Variants in GLIS3 observed in about 807,000 individuals in gnomAD.
The protein encoded by GLIS3 is GLIS family zinc finger 3.
GLIS3 carries 53 observed loss-of-function variants against 78.6 expected under a neutral mutation model. The ratio of observed to expected loss-of-function variants is 0.67; its 90% CI spans 0.54 to 0.85. The LOEUF is 0.85. GLIS3 is among the 40% of genes least tolerant of loss of function. The probability of loss-of-function intolerance (pLI) is 0.00; values close to 1 mark genes in which losing one functional copy is unlikely to be tolerated. For synonymous variants in GLIS3, 684 were observed against 509.9 expected, an observed-to-expected ratio of 1.34 and a Z score of -4.60; for missense variants, 1,703 against 1,231.1, an observed-to-expected ratio of 1.38 and a Z score of -5.74.
intron 2 of GLIS3, among the ~76,000 whole-genome samples, chr9:4,152,821 G>C (rs1301375661): frequency 1.3e-5 from 2 of 152,076 alleles, no homozygotes; most frequent in East Asian, 3.9e-4. Context: ...CTTAAGAATG[G>C]CATGTAATAT....
At position 4,078,193 on chromosome 9, in the gene GLIS3, T is replaced by C. The variant is rs148820335; in HGVS notation, c.1710+39575A>G. Among the ~76,000 whole-genome samples the C allele has an allele frequency of 3.9e-5, 6 of 152,294 alleles. No homozygotes were observed. In the East Asian group the frequency reaches 1.2e-3, roughly 29 times the overall value. On this transcript the variant is annotated intron_variant, in intron 4 of 10. Transcript: ENST00000381971. ...TTACACCAGACCAGTGGTCTTAAAA[T>C]CATTTTTTTCAATATAATCCTTTTT...
At chr9:4,211,467 A>G (rs889928453) in intron 2 of GLIS3, among the ~76,000 whole-genome samples, 1 of 152,214 alleles carries the variant, frequency 6.6e-6, no homozygotes, top group Non-Finnish European at 1.5e-5. Flanking sequence ...GGAAAGAGAC[A>G]CTGTGTTACT....
chr9:4,150,306 C>G (rs1834572355), intron 2 of GLIS3, among the ~76,000 whole-genome samples: 1 of 152,250 alleles, frequency 6.6e-6, no homozygotes, highest in Non-Finnish European at 1.5e-5. Flanking sequence ...CAACCAGCCA[C>G]TGACTGTCCT....
chr9:4,017,400 C>A (rs1374488100), intron 4 of GLIS3, among the ~76,000 whole-genome samples: 1 of 152,162 alleles, frequency 6.6e-6, no homozygotes, highest in African/African-American at 2.4e-5. Context: ...ACAAAAGATA[C>A]ACTGTCCAAG....
At chr9:3,939,202 A>G (rs1420372223) in intron 4 of GLIS3, among the ~76,000 whole-genome samples, 1 of 152,208 alleles carries the variant, frequency 6.6e-6, no homozygotes, top group Non-Finnish European at 1.5e-5. Flanking sequence ...GATCTGAGAG[A>G]AAGCTGCATT....
At chr9:4,463,389 T>C in the GLIS3 span, among the ~76,000 whole-genome samples, 2 of 152,344 alleles carry the variant, frequency 1.3e-5, no homozygotes, top group Admixed American at 1.3e-4. Flanking sequence ...CCTTCCTTTA[T>C]TGTTTCTCTT....
chr9:4,249,426 T>G (rs1437310135), intron 2 of GLIS3, among the ~76,000 whole-genome samples: 2 of 152,204 alleles, frequency 1.3e-5, no homozygotes, highest in African/African-American at 4.8e-5. Flanking sequence ...GTTTGTCTAT[T>G]ATTGGTGTAT....
chr9:3,983,370 C>T (rs1819463110), intron 4 of GLIS3, among the ~76,000 whole-genome samples: 1 of 152,186 alleles, frequency 6.6e-6, no homozygotes, highest in Non-Finnish European at 1.5e-5. Context: ...TCTTTATCAG[C>T]AGCATGAGAA....
chr9:4,110,589 T>C (rs1482373662), intron 4 of GLIS3, among the ~76,000 whole-genome samples: 2 of 152,182 alleles, frequency 1.3e-5, no homozygotes, highest in African/African-American at 4.8e-5. Context: ...ATATGAGCGA[T>C]GACACCTATT....
intron 4 of GLIS3, among the ~76,000 whole-genome samples, chr9:4,098,111 T>C (rs1830100287): frequency 6.6e-6 from 1 of 152,190 alleles, no homozygotes; most frequent in Admixed American, 6.5e-5. Context: ...GCTGGTGCAG[T>C]TGAGAGATAT....
At chr9:4,288,841 A>G (rs1828215429) in intron 1 of GLIS3, among the ~76,000 whole-genome samples, 2 of 152,204 alleles carry the variant, frequency 1.3e-5, no homozygotes, top group African/African-American at 2.4e-5. Context: ...GGCCAATGGC[A>G]TGTAAGCTGA....
At chr9:4,287,765 A>G (rs1033056941) in intron 1 of GLIS3, among the ~76,000 whole-genome samples, 20 of 152,240 alleles carry the variant, frequency 1.3e-4, no homozygotes, top group Non-Finnish European at 2.5e-4. Flanking sequence ...TCAAGGAGAA[A>G]CACTTTTTGT....
At chr9:3,883,895 G>A (rs190034061) in intron 7 of GLIS3, among the ~76,000 whole-genome samples, 4 of 152,342 alleles carry the variant, frequency 2.6e-5, no homozygotes, top group East Asian at 1.9e-4. Context: ...AGATGAATAC[G>A]TGAGCCTTGT....
At chr9:3,943,581 T>C (rs1816088980) in intron 4 of GLIS3, among the ~76,000 whole-genome samples, 1 of 152,262 alleles carries the variant, frequency 6.6e-6, no homozygotes, top group South Asian at 2.1e-4. Context: ...CCTGGTTAAT[T>C]TGAGAGTCCT....
At chr9:3,888,465 T>C (rs1822221289) in intron 7 of GLIS3, among the ~76,000 whole-genome samples, 1 of 152,222 alleles carries the variant, frequency 6.6e-6, no homozygotes, top group Admixed American at 6.5e-5. Flanking sequence ...TAATGCACTA[T>C]TATTCTAGCC....
At chr9:4,296,574 T>C (rs1294379012) in intron 1 of GLIS3, among the ~76,000 whole-genome samples, 1 of 152,180 alleles carries the variant, frequency 6.6e-6, no homozygotes, top group Non-Finnish European at 1.5e-5. Context: ...TCTGATAACC[T>C]GCCTACTAAG....
At chr9:4,176,770 C>A (rs1816846479) in intron 2 of GLIS3, among the ~76,000 whole-genome samples, 1 of 152,172 alleles carries the variant, frequency 6.6e-6, no homozygotes, top group South Asian at 2.1e-4. Context: ...ATAAAAGACA[C>A]CTGCGACCAC....
At chr9:4,219,105 A>G (rs188129281) in intron 2 of GLIS3, among the ~76,000 whole-genome samples, 1 of 152,362 alleles carries the variant, frequency 6.6e-6, no homozygotes, top group Non-Finnish European at 1.5e-5. Flanking sequence ...CCACTAATGG[A>G]GGTGATTAGT....
the GLIS3 span, among the ~76,000 whole-genome samples, chr9:4,461,584 C>G: frequency 6.6e-6 from 1 of 152,158 alleles, no homozygotes; most frequent in Non-Finnish European, 1.5e-5. Flanking sequence ...CTCCAAAATC[C>G]TTCCTCTGGG....
Sources: gnomAD v4.1 joint callset for allele counts (sites outside exome capture counted in the v4.1 genomes callset) on GRCh38, gnomAD v4.1.1 for gene constraint, MANE v1.5 for transcripts, NCBI Gene and HGNC (gene_info 2026-07-23, HGNC 2026-07-21) for gene names.